The following MALAT1 variants were observed in gnomAD, a reference collection of about 807,000 sequenced individuals.
MALAT1 encodes metastasis associated lung adenocarcinoma transcript 1, also known as hepcarcin.
At chr11:65,505,497 T>C (rs1174216485) in intron 3 of MALAT1, 4 of 515,474 alleles carry the variant, frequency 7.8e-6, no homozygotes, top group Admixed American at 5.8e-5. Context: ...CAACCACTTT[T>C]CCCTAGCTTT....
chr11:65,498,603 C>T (rs773319737), intron 1 of MALAT1: 5 of 518,670 alleles, frequency 9.6e-6, no homozygotes, highest in South Asian at 4.2e-5. Flanking sequence ...ACTTCTCAAC[C>T]GTCCCTGCAA....
exon 3 of MALAT1, chr11:65,501,081 C>G: frequency 5.9e-6 from 3 of 512,194 alleles, no homozygotes; most frequent in Non-Finnish European, 1.2e-5. Flanking sequence ...TTCAGCAAAT[C>G]TGTAAGCAGT....
exon 3 of MALAT1, chr11:65,499,123 C>T (rs749724348): frequency 3.9e-6 from 2 of 517,758 alleles, no homozygotes; most frequent in Non-Finnish European, 7.7e-6. Flanking sequence ...AAGTTTTTTT[C>T]TCTTTGAAAG....
chr11:65,502,354 C>T, exon 3 of MALAT1: 1 of 512,544 alleles, frequency 2.0e-6, no homozygotes, highest in South Asian at 1.4e-5. Context: ...CTTAATGATC[C>T]TGAAGGGATT....
At chr11:65,505,881 A>AG in intron 3 of MALAT1, 1 of 443,506 alleles carries the variant, frequency 2.3e-6, no homozygotes, top group Non-Finnish European at 4.4e-6. Flanking sequence ...AGACTGGAGA[A>AG]GATAGGCATT....
intron 1 of MALAT1, chr11:65,498,321 C>G (rs570962234): frequency 7.7e-6 from 4 of 517,862 alleles, no homozygotes; most frequent in African/African-American, 5.8e-5. Flanking sequence ...AGAAAAATTT[C>G]CGTGCGGGCC....
exon 3 of MALAT1, chr11:65,502,948 T>C (rs1343339762): frequency 1.4e-5 from 7 of 495,654 alleles, no homozygotes; most frequent in Admixed American, 6.4e-5. Flanking sequence ...GAAGAGGCAA[T>C]GTCCATCTCA....
chr11:65,502,465 A>G, exon 3 of MALAT1: 1 of 497,760 alleles, frequency 2.0e-6, no homozygotes, highest in Non-Finnish European at 3.9e-6. Flanking sequence ...TCCATTGTTT[A>G]ACTGCAAAAC....
exon 3 of MALAT1, chr11:65,500,569 A>C: frequency 1.9e-6 from 1 of 518,944 alleles, no homozygotes; most frequent in Non-Finnish European, 3.8e-6. Flanking sequence ...GAAGCTAGGA[A>C]GAAGGAAGGA....
chr11:65,500,989 G>A (rs1332454957), exon 3 of MALAT1: 2 of 513,104 alleles, frequency 3.9e-6, no homozygotes, highest in African/African-American at 3.9e-5. Context: ...TGGAGAAATA[G>A]TAGATGGCAA....
chr11:65,497,749 G>C (rs1565670167), exon 1 of MALAT1: 3 of 422,896 alleles, frequency 7.1e-6, no homozygotes, highest in Non-Finnish European at 1.4e-5. Context: ...GCAGCCTGCA[G>C]CCCGAGACTT....
exon 3 of MALAT1, chr11:65,501,957 T>TA (rs771833705): frequency 1.4e-5 from 7 of 516,984 alleles, no homozygotes; most frequent in African/African-American, 5.8e-5. Context: ...CCAGAGAACT[T>TA]AAAGTCTTAG....
chr11:65,499,178 C>G (rs1274174524), exon 3 of MALAT1: 1 of 507,292 alleles, frequency 2.0e-6, no homozygotes, highest in Non-Finnish European at 3.9e-6. Flanking sequence ...CAATAGGTTA[C>G]TAAGATATTG....
chr11:65,504,365 CTGTT>C lies in MALAT1; in HGVS notation n.5168+461_5168+464del, dbSNP rs752466660. 20 of 517,414 alleles carry C rather than the reference CTGTT, an allele frequency of 3.9e-5. No homozygotes were observed. In the East Asian group the frequency reaches 4.4e-4, roughly 11 times the overall value. 32.1% of individuals were successfully genotyped at this position (517,414 alleles called of 1,614,324 possible). On this transcript the variant is annotated intron_variant and non_coding_transcript_variant, in intron 3 of 3. Transcript: ENST00000619449. ...GCAGTTGTCTTGACTTCAGGTCTGTCTGTTCTGTTGGCAAGTAAATGCAGTACTG... is the reference window on the plus strand; with the variant it reads ...GCAGTTGTCTTGACTTCAGGTCTGTCCTGTTGGCAAGTAAATGCAGTACTG...
At chr11:65,502,279 A>G in exon 3 of MALAT1, 1 of 517,814 alleles carries the variant, frequency 1.9e-6, no homozygotes, top group Non-Finnish European at 3.9e-6. Flanking sequence ...CTCTTTTGGA[A>G]TTTTTTTCAG....
intron 3 of MALAT1, chr11:65,504,331 A>C: frequency 2.0e-6 from 1 of 511,386 alleles, no homozygotes; most frequent in South Asian, 1.4e-5. Flanking sequence ...TACAGACTTC[A>C]CAGAGAATGC....
exon 3 of MALAT1, chr11:65,500,897 T>C (rs1478436112): frequency 1.9e-6 from 1 of 515,910 alleles, no homozygotes. Context: ...GTAGGCCGAT[T>C]TCCGGGTGTT....
chr11:65,497,817 T>G (rs775411423), exon 1 of MALAT1: 1 of 511,186 alleles, frequency 2.0e-6, no homozygotes. Context: ...CGCAGCGCCA[T>G]TTTAGCAACG....
chr11:65,498,786 A>G (rs1353541158), intron 2 of MALAT1: 1 of 518,988 alleles, frequency 1.9e-6, no homozygotes, highest in South Asian at 1.4e-5. Context: ...CCCGTTTAAA[A>G]TATGATTTCC....
Sources: gnomAD v4.1 joint callset for allele counts on GRCh38, gnomAD v4.1.1 for gene constraint, MANE v1.5 for transcripts, NCBI Gene and HGNC (gene_info 2026-07-23, HGNC 2026-07-21) for gene names.